Variants in DLG2 observed in about 807,000 individuals in gnomAD.
The protein encoded by DLG2 is disks large homolog 2.
A neutral mutation model predicts 132.5 loss-of-function variants in DLG2; 45 were observed. The observed-to-expected ratio is 0.34, with a 90% CI of 0.27 to 0.44. DLG2 has a LOEUF of 0.44. Among genes scored for constraint, DLG2 ranks in the 20% least tolerant of loss-of-function variants. The pLI is 1.00. For missense variants in DLG2, 1,045 were observed against 1,196.9 expected (o/e 0.87, Z 1.87); for synonymous variants, 424 against 419.6 (o/e 1.01, Z -0.13).
intron 6 of DLG2, among the ~76,000 whole-genome samples, chr11:84,559,997 T>A (rs544646559): frequency 2.0e-5 from 3 of 152,116 alleles, no homozygotes; most frequent in African/African-American, 7.2e-5. Context: ...GGAGGAAGAA[T>A]CTAAGGCTCA....
intron 6 of DLG2, among the ~76,000 whole-genome samples, chr11:84,749,136 G>T (rs557356937): frequency 1.6e-4 from 24 of 152,266 alleles, no homozygotes; most frequent in Middle Eastern, 6.8e-3. Flanking sequence ...CAGTCAACTA[G>T]AATTTTTTTG....
chr11:83,998,742 C>T (rs879466325), intron 11 of DLG2, among the ~76,000 whole-genome samples: 1 of 152,126 alleles, frequency 6.6e-6, no homozygotes, highest in Admixed American at 6.5e-5. Context: ...CTCTGTGACA[C>T]CTAAGCAGCT....
intron 6 of DLG2, among the ~76,000 whole-genome samples, chr11:84,982,203 T>C (rs1006659784): frequency 2.9e-5 from 4 of 137,952 alleles, no homozygotes; most frequent in African/African-American, 8.1e-5. Context: ...ATAATTCTAA[T>C]AGCTACCTCA....
rs554693794 is a variant in DLG2, at chr11:85,353,989, A to T, written c.41-68624T>A. On this transcript the variant is annotated intron_variant, in intron 3 of 27. Coordinates refer to ENST00000376104, the MANE Select transcript of DLG2 (RefSeq NM_001142699.3). ...GTACCCTAGAACTTAAAGTATAATTAAAAAAAAAAGAAATTCCTTAATAAA... is the reference window on the plus strand; with the variant it reads ...GTACCCTAGAACTTAAAGTATAATTTAAAAAAAAAGAAATTCCTTAATAAA... Among the ~76,000 whole-genome samples, 257 of 149,318 alleles carry T rather than the reference A, an allele frequency of 1.7e-3. 2 individuals are homozygous for T. Among genetic ancestry groups the T allele is most frequent in the African/African-American group, 5.7e-3 (230 of 40,670 alleles).
At chr11:85,572,178 C>G (rs2153225687) in intron 3 of DLG2, among the ~76,000 whole-genome samples, 1 of 152,138 alleles carries the variant, frequency 6.6e-6, no homozygotes, top group African/African-American at 2.4e-5. Context: ...GAGGGGTGAA[C>G]TTTTAAAAGT....
chr11:83,628,871 C>A (rs930745002), intron 19 of DLG2, among the ~76,000 whole-genome samples: 1 of 152,060 alleles, frequency 6.6e-6, no homozygotes, highest in Non-Finnish European at 1.5e-5. Context: ...AGTTAATGAG[C>A]TATGATCTCC....
At chr11:83,977,057 T>G (rs2092320693) in intron 12 of DLG2, among the ~76,000 whole-genome samples, 1 of 151,984 alleles carries the variant, frequency 6.6e-6, no homozygotes, top group Non-Finnish European at 1.5e-5. Context: ...GTAACTTGCT[T>G]AGTAATAACC....
intron 6 of DLG2, among the ~76,000 whole-genome samples, chr11:85,023,869 C>T (rs117029328): frequency 0.02 from 2,975 of 152,060 alleles, 53 homozygotes; most frequent in Admixed American, 0.042. Context: ...AATTATTATG[C>T]CCATTTTACA....
chr11:83,691,831 G>A (rs530728565), intron 18 of DLG2, among the ~76,000 whole-genome samples: 7 of 133,578 alleles, frequency 5.2e-5, no homozygotes, highest in South Asian at 4.5e-4. Flanking sequence ...TTTCCTGGAC[G>A]GTATCCAGAA....
At chr11:84,593,348 T>C (rs1057174997) in intron 6 of DLG2, among the ~76,000 whole-genome samples, 4 of 152,172 alleles carry the variant, frequency 2.6e-5, no homozygotes, top group African/African-American at 4.8e-5. Context: ...GGCACACGTA[T>C]GTATATTGCA....
At chr11:85,510,260 G>A (rs947980063) in intron 3 of DLG2, among the ~76,000 whole-genome samples, 4 of 152,004 alleles carry the variant, frequency 2.6e-5, no homozygotes, top group South Asian at 4.1e-4. Context: ...GTCATACCAG[G>A]AAGAACTGAT....
intron 2 of DLG2, among the ~76,000 whole-genome samples, chr11:85,610,454 C>A (rs2080909565): frequency 2.6e-5 from 4 of 152,226 alleles, no homozygotes; most frequent in Admixed American, 2.6e-4. Flanking sequence ...TTCCCCTGCA[C>A]TCTGACTCCC....
chr11:84,773,387 G>C (rs1198943705), intron 6 of DLG2, among the ~76,000 whole-genome samples: 1 of 151,994 alleles, frequency 6.6e-6, no homozygotes, highest in East Asian at 1.9e-4. Flanking sequence ...ATTATTCCAA[G>C]ATTTCAAGAA....
At chr11:83,483,759 T>TAACA (rs1005394926) in intron 22 of DLG2, among the ~76,000 whole-genome samples, 1 of 152,182 alleles carries the variant, frequency 6.6e-6, no homozygotes, top group African/African-American at 2.4e-5. Flanking sequence ...TAATTGTTCC[T>TAACA]AACATTCCAA....
At chr11:84,640,110 C>A in intron 6 of DLG2, 1 of 311,824 alleles carries the variant, frequency 3.2e-6, no homozygotes, top group Non-Finnish European at 6.1e-6. Flanking sequence ...GGACTTCTGT[C>A]ATATCAATGT....
chr11:83,592,887 G>A (rs1176260719), intron 19 of DLG2, among the ~76,000 whole-genome samples: 1 of 149,446 alleles, frequency 6.7e-6, no homozygotes, highest in East Asian at 2.0e-4. Context: ...AAAAACACAT[G>A]AAAAAATGCT....
At chr11:85,147,959 T>C (rs1011788423) in intron 5 of DLG2, among the ~76,000 whole-genome samples, 2 of 152,134 alleles carry the variant, frequency 1.3e-5, no homozygotes, top group African/African-American at 2.4e-5. Flanking sequence ...TGTGTCCATG[T>C]GTTCTCATTG....
At chr11:84,695,575 T>A (rs1317457943) in intron 6 of DLG2, among the ~76,000 whole-genome samples, 1 of 151,576 alleles carries the variant, frequency 6.6e-6, no homozygotes, top group African/African-American at 2.4e-5. Context: ...TCAGAAAGCA[T>A]GGAATGAGAT....
At chr11:84,256,210 T>A (rs1395390962) in intron 7 of DLG2, among the ~76,000 whole-genome samples, 1 of 152,164 alleles carries the variant, frequency 6.6e-6, no homozygotes, top group African/African-American at 2.4e-5. Context: ...AGGAGTTCAT[T>A]GATTCTGACT....
Sources: gnomAD v4.1 joint callset for allele counts (sites outside exome capture counted in the v4.1 genomes callset) on GRCh38, gnomAD v4.1.1 for gene constraint, MANE v1.5 for transcripts, NCBI Gene and HGNC (gene_info 2026-07-23, HGNC 2026-07-21) for gene names.